Variants in SDK1 observed in about 807,000 individuals in gnomAD.
SDK1 encodes the protein sidekick cell adhesion molecule 1.
SDK1 carries 157 observed loss-of-function variants against 245.5 expected under a neutral mutation model. That is an observed-to-expected ratio of 0.64 (90% CI 0.56 to 0.73). The LOEUF is 0.73. Ranked by LOEUF, SDK1 falls within the 30% of genes least tolerant of loss-of-function variation. The pLI is 0.00. For missense variants in SDK1, 3,583 were observed against 3,002.3 expected (o/e 1.19, Z -4.52); for synonymous variants, 1,647 against 1,278.5 (o/e 1.29, Z -6.15).
chr7:3,439,484 C>T (rs1161987439), intron 1 of SDK1, among the ~76,000 whole-genome samples: 3 of 152,092 alleles, frequency 2.0e-5, no homozygotes, highest in African/African-American at 7.2e-5. Context: ...ACTCAGTGGA[C>T]AGCAATCAGT....
At chr7:4,110,630 G>T in intron 22 of SDK1, 33 bp from the exon 23 acceptor site, 2 of 1,483,560 alleles carry the variant, frequency 1.3e-6, no homozygotes, top group Non-Finnish European at 1.9e-6. Context: ...CCTAAGGCAT[G>T]TCCAGCCCAT....
chr7:4,042,989 A>T (rs1788741888), intron 17 of SDK1, among the ~76,000 whole-genome samples: 1 of 152,248 alleles, frequency 6.6e-6, no homozygotes, highest in African/African-American at 2.4e-5. Flanking sequence ...AACCTAGGGT[A>T]TTGAGAGAAA....
chr7:3,865,547 C>T (rs575080930), intron 5 of SDK1, among the ~76,000 whole-genome samples: 10 of 152,246 alleles, frequency 6.6e-5, no homozygotes, highest in African/African-American at 1.2e-4. Context: ...CTCGCTCTGT[C>T]GCCCAGGTTG....
chr7:3,329,043 G>A (rs1454991361), intron 1 of SDK1, among the ~76,000 whole-genome samples: 2 of 152,086 alleles, frequency 1.3e-5, no homozygotes, highest in African/African-American at 2.4e-5. Flanking sequence ...CACCGATGCC[G>A]TTTATCCCCT....
chr7:3,674,753 A>G (rs145419851), intron 4 of SDK1, among the ~76,000 whole-genome samples: 2 of 152,320 alleles, frequency 1.3e-5, no homozygotes, highest in African/African-American at 2.4e-5. Context: ...TACTCCCACC[A>G]CAGTGTATTC....
intron 1 of SDK1, among the ~76,000 whole-genome samples, chr7:3,579,138 C>G (rs915487347): frequency 3.9e-5 from 6 of 152,006 alleles, no homozygotes; most frequent in Non-Finnish European, 8.8e-5. Context: ...TCTACTGAAA[C>G]TATTCCAATA....
chr7:4,199,706 G>C (rs531079317), intron 35 of SDK1, among the ~76,000 whole-genome samples: 1 of 152,142 alleles, frequency 6.6e-6, no homozygotes, highest in Non-Finnish European at 1.5e-5. Context: ...AGTGTCCCCT[G>C]TCCCAGCTGC....
At chr7:3,348,205 C>G (rs1780559734) in intron 1 of SDK1, among the ~76,000 whole-genome samples, 1 of 152,116 alleles carries the variant, frequency 6.6e-6, no homozygotes, top group African/African-American at 2.4e-5. Flanking sequence ...GGGTTTGATT[C>G]TTGGCTTCAC....
chr7:3,790,786 GAAACTGTCGCCAA>G (rs907845305), intron 4 of SDK1, among the ~76,000 whole-genome samples: 2 of 152,130 alleles, frequency 1.3e-5, no homozygotes, highest in Non-Finnish European at 2.9e-5. Flanking sequence ...AAACAAGAGC[GAAACTGTCGCCAA>G]AAACACACAC....
rs1184772497 is a variant in SDK1, at chr7:4,265,164, C to T, written c.6422C>T (p.Ser2141Phe). The T allele has an allele frequency of 6.2e-7, 1 of 1,612,434 alleles. No individual in the cohort carries two copies. Among genetic ancestry groups the T allele is most frequent in the African/African-American group, 1.3e-5 (1 of 74,928 alleles). Reference protein sequence around the residue: ...SDYEDALPKHSFVNHYMSDPT... With the variant: ...SDYEDALPKHFFVNHYMSDPT... ...TACGAGGACGCGCTGCCCAAGCACT[C>T]CTTCGTGAACCACTACATGAGCGAC... is the stretch of plus-strand genomic sequence containing the variant. The change falls in exon 45 of 45, where the codon TCC (serine) becomes TTC (phenylalanine). Residue 2141 changes from serine to phenylalanine, a missense_variant. Physicochemically the swap from Ser to Phe is radical, Grantham distance 155 (BLOSUM62 -2). Coordinates refer to ENST00000404826, the MANE Select transcript of SDK1 (RefSeq NM_152744.4).
intron 1 of SDK1, among the ~76,000 whole-genome samples, chr7:3,519,791 A>AT (rs1782875621): frequency 6.6e-6 from 1 of 152,176 alleles, no homozygotes; most frequent in Non-Finnish European, 1.5e-5. Flanking sequence ...CTATGAGGAG[A>AT]TAAAAACGGC....
intron 2 of SDK1, among the ~76,000 whole-genome samples, chr7:3,633,493 A>G (rs1038434211): frequency 6.6e-6 from 1 of 152,184 alleles, no homozygotes; most frequent in African/African-American, 2.4e-5. Flanking sequence ...TTAGTGGCTC[A>G]TACTCAAGAG....
rs371348105 is a variant in SDK1, at chr7:3,930,170, G to A, written c.848-20753G>A. Among the ~76,000 whole-genome samples, 7 of 152,076 alleles carry A rather than the reference G, an allele frequency of 4.6e-5. No individual in the cohort carries two copies. The South Asian group carries it at 8.3e-4, about 18-fold the overall frequency. Reference sequence around the variant, plus strand: ...CTGGAGTGACACCCACTGAGACTTCGCCTTTATAACCAGCTCCTAGGAGAG... The same window carrying A: ...CTGGAGTGACACCCACTGAGACTTCACCTTTATAACCAGCTCCTAGGAGAG... On this transcript the variant is annotated intron_variant, in intron 5 of 44. Coordinates refer to ENST00000404826, the MANE Select transcript of SDK1 (RefSeq NM_152744.4).
chr7:3,820,737 A>T (rs1384802099), intron 4 of SDK1, among the ~76,000 whole-genome samples: 1 of 152,206 alleles, frequency 6.6e-6, no homozygotes, highest in Non-Finnish European at 1.5e-5. Flanking sequence ...AACTTCTGTG[A>T]GCCTCAGTGG....
At chr7:3,638,734 T>C (rs1782550581) in intron 2 of SDK1, among the ~76,000 whole-genome samples, 1 of 150,960 alleles carries the variant, frequency 6.6e-6, no homozygotes, top group African/African-American at 2.4e-5. Flanking sequence ...TGTATACATA[T>C]GTAACTAACC....
At chr7:3,588,923 A>G (rs73673629) in intron 1 of SDK1, among the ~76,000 whole-genome samples, 2,124 of 152,328 alleles carry the variant, frequency 0.014, 37 homozygotes, top group African/African-American at 0.041. Context: ...AAATGAGATC[A>G]AAGTTGTTAT....
At chr7:3,864,058 C>G (rs1275926620) in intron 5 of SDK1, among the ~76,000 whole-genome samples, 1 of 152,166 alleles carries the variant, frequency 6.6e-6, no homozygotes, top group East Asian at 1.9e-4. Context: ...ACAGTGCACA[C>G]AGGTTCCAAT....
intron 1 of SDK1, among the ~76,000 whole-genome samples, chr7:3,574,287 T>A (rs1211202610): frequency 2.0e-5 from 3 of 151,888 alleles, no homozygotes; most frequent in Non-Finnish European, 1.5e-5. Context: ...CAGCTAATTT[T>A]TTGTATTTTT....
intron 4 of SDK1, among the ~76,000 whole-genome samples, chr7:3,819,788 ACTT>A (rs1372235032): frequency 6.6e-6 from 1 of 152,168 alleles, no homozygotes; most frequent in African/African-American, 2.4e-5. Context: ...ATAAGCAATA[ACTT>A]CTTAAGATAA....
Sources: allele counts gnomAD v4.1 joint callset (sites outside exome capture counted in the v4.1 genomes callset), GRCh38; gene constraint gnomAD v4.1.1; transcripts MANE v1.5; gene names NCBI Gene and HGNC (gene_info 2026-07-23, HGNC 2026-07-21).